The following CBFB variants were observed in gnomAD, a reference collection of about 807,000 sequenced individuals.
CBFB encodes the protein core-binding factor subunit beta, also known as CBF-beta.
Under a neutral mutation model 30.4 loss-of-function variants are expected in CBFB, and 9 were observed. The observed-to-expected ratio is 0.30, with a 90% CI of 0.18 to 0.52. CBFB has a LOEUF of 0.52. CBFB is among the 20% of genes least tolerant of loss of function. The pLI, the probability that CBFB is intolerant of heterozygous loss-of-function variation, is 0.97. For synonymous variants in CBFB, 94 were observed against 84.0 expected (o/e 1.12, Z -0.65); for missense variants, 170 against 244.0 (o/e 0.70, Z 2.02).
At chr16:67,041,825 A>G (rs1597126459) in intron 3 of CBFB, among the ~76,000 whole-genome samples, 1 of 129,588 alleles carries the variant, frequency 7.7e-6, no homozygotes. Context: ...CCCAGGCTGG[A>G]GTGCAGTGGT....
intron 4 of CBFB, among the ~76,000 whole-genome samples, chr16:67,075,015 C>T (rs1343512565): frequency 6.6e-6 from 1 of 151,828 alleles, no homozygotes; most frequent in Non-Finnish European, 1.5e-5. Context: ...ATGGCAAAAC[C>T]CCATCTCTAC....
chr16:67,045,066 C>A (rs2145723764), intron 3 of CBFB, among the ~76,000 whole-genome samples: 1 of 152,118 alleles, frequency 6.6e-6, no homozygotes, highest in East Asian at 1.9e-4. Context: ...ATAACGGAAT[C>A]ATAAAATTTA....
chr16:67,065,846 C>G (rs1426350130), intron 3 of CBFB, among the ~76,000 whole-genome samples: 1 of 152,148 alleles, frequency 6.6e-6, no homozygotes, highest in African/African-American at 2.4e-5. Context: ...ATTCACCTTA[C>G]TGTTGCCTAT....
chr16:67,065,504 A>C (rs539965284), intron 3 of CBFB, among the ~76,000 whole-genome samples: 2 of 152,316 alleles, frequency 1.3e-5, no homozygotes, highest in East Asian at 1.9e-4. Context: ...ATTTATTAAG[A>C]ATTCAAGATG....
chr16:67,046,092 C>T (rs1377368160), intron 3 of CBFB, among the ~76,000 whole-genome samples: 1 of 150,876 alleles, frequency 6.6e-6, no homozygotes, highest in Non-Finnish European at 1.5e-5. Flanking sequence ...AGCCACTGTG[C>T]CTGGCCTTTT....
At chr16:67,082,749 A>AT (rs1961603132) in intron 5 of CBFB, among the ~76,000 whole-genome samples, 7 of 152,108 alleles carry the variant, frequency 4.6e-5, no homozygotes, top group Admixed American at 4.6e-4. Context: ...CATTTGTGTG[A>AT]TTTTAACTAA....
chr16:67,079,424 A>G (rs761997535), intron 4 of CBFB, among the ~76,000 whole-genome samples: 2 of 152,138 alleles, frequency 1.3e-5, no homozygotes, highest in Non-Finnish European at 2.9e-5. Context: ...GTGACAAATA[A>G]AGGATTTATC....
At chr16:67,089,544 A>T (rs543149193) in intron 5 of CBFB, among the ~76,000 whole-genome samples, 1 of 152,296 alleles carries the variant, frequency 6.6e-6, no homozygotes, top group African/African-American at 2.4e-5. Flanking sequence ...TCTCTGGCAT[A>T]TAGGCTGTTT....
chr16:67,075,670 A>C (rs1243559429), intron 4 of CBFB, among the ~76,000 whole-genome samples: 7 of 152,208 alleles, frequency 4.6e-5, no homozygotes, highest in Non-Finnish European at 2.9e-5. Flanking sequence ...TAGGACATTT[A>C]TAACTATTAT....
chr16:67,063,553 T>C (rs1960969920), intron 3 of CBFB, among the ~76,000 whole-genome samples: 1 of 152,134 alleles, frequency 6.6e-6, no homozygotes, highest in East Asian at 1.9e-4. Context: ...GCGATTATCC[T>C]GCATCAGCCT....
chr16:67,083,797 C>T (rs1961637573), intron 5 of CBFB, among the ~76,000 whole-genome samples: 1 of 152,094 alleles, frequency 6.6e-6, no homozygotes. Context: ...TTGTACTCTG[C>T]TTTAAACAGA....
At chr16:67,036,558 C>T in intron 2 of CBFB, 81 bp from the exon 3 acceptor site, 1 of 802,974 alleles carries the variant, frequency 1.2e-6, no homozygotes, top group Non-Finnish European at 2.2e-6. Flanking sequence ...AAGACATAAA[C>T]TGATGTAAAA....
intron 2 of CBFB, among the ~76,000 whole-genome samples, chr16:67,034,004 AT>A (rs1175857434): frequency 6.6e-6 from 1 of 151,540 alleles, no homozygotes; most frequent in Non-Finnish European, 1.5e-5. Flanking sequence ...AATTTTTTGT[AT>A]TTTTAGTAGA....
intron 4 of CBFB, among the ~76,000 whole-genome samples, chr16:67,076,154 C>T (rs572642014): frequency 2.0e-5 from 3 of 152,106 alleles, no homozygotes; most frequent in South Asian, 2.1e-4. Context: ...CGCTTGGACC[C>T]GGGAGGCAGA....
rs56360240 is a variant in CBFB at position 67,066,393 on chromosome 16, C to CAAAAAAAAAAAAAAAAAAAAAAAAAAA, written c.283-272_283-271insAAAAAAAAAAAAAAAAAAAAAAAAAAA. On this transcript the variant is annotated intron_variant, in intron 3 of 5. Coordinates refer to ENST00000412916, the MANE Select transcript of CBFB (RefSeq NM_022845.3). ...TGAAACCCCATCTCTACTAAAAATACAAAAAAAAAAAAAAAAATTAGCCAG... is the reference window on the plus strand; with the variant it reads ...TGAAACCCCATCTCTACTAAAAATACAAAAAAAAAAAAAAAAAAAAAAAAAAAAAAAAAAAAAAAAAAAATTAGCCAG... 4.2e-5 allele frequency among the ~76,000 whole-genome samples: 4 copies of CAAAAAAAAAAAAAAAAAAAAAAAAAAA among 96,034 alleles called. 1 individual carries two copies. Among genetic ancestry groups the CAAAAAAAAAAAAAAAAAAAAAAAAAAA allele is most frequent in the African/African-American group, 1.7e-4 (3 of 17,680 alleles). The allele number at this position is 96,034 out of a possible 152,430, so 63.0% of individuals were successfully genotyped here.
At chr16:67,056,735 G>GC (rs1279110039) in intron 3 of CBFB, among the ~76,000 whole-genome samples, 1 of 150,656 alleles carries the variant, frequency 6.6e-6, no homozygotes, top group Non-Finnish European at 1.5e-5. Context: ...AGGTTGGAGT[G>GC]CAGTGGCATG....
chr16:67,038,765 A>G (rs557862967), intron 3 of CBFB, among the ~76,000 whole-genome samples: 1 of 152,098 alleles, frequency 6.6e-6, no homozygotes, highest in Non-Finnish European at 1.5e-5. Flanking sequence ...CAGATACTAA[A>G]GACGTAAACC....
intron 3 of CBFB, 59 bp downstream of exon 3, chr16:67,036,814 G>T: frequency 1.1e-6 from 1 of 928,118 alleles, no homozygotes; most frequent in Non-Finnish European, 1.8e-6. Context: ...GAGATTATCT[G>T]GTAATTTACA....
intron 4 of CBFB, among the ~76,000 whole-genome samples, chr16:67,079,977 A>T (rs1401196838): frequency 6.6e-6 from 1 of 152,176 alleles, no homozygotes; most frequent in Non-Finnish European, 1.5e-5. Flanking sequence ...GCTCACCTGT[A>T]GTCCCAGCTA....
Sources: gnomAD v4.1 joint callset for allele counts (sites outside exome capture counted in the v4.1 genomes callset) on GRCh38, gnomAD v4.1.1 for gene constraint, MANE v1.5 for transcripts, NCBI Gene and HGNC (gene_info 2026-07-23, HGNC 2026-07-21) for gene names.